Variants in NBAS observed in about 807,000 individuals in gnomAD.
The protein encoded by NBAS is NAG/BC035112 fusion.
Under a neutral mutation model 302.5 loss-of-function variants are expected in NBAS, and 219 were observed. The ratio of observed to expected loss-of-function variants is 0.72; its 90% confidence interval spans 0.65 to 0.81. The LOEUF (loss-of-function observed/expected upper bound fraction) is 0.81, where lower values mean the gene tolerates loss of function less well. NBAS is among the 30% of genes least tolerant of loss of function. NBAS has a pLI of 0.00. For missense variants in NBAS, 2,932 were observed against 2,841.6 expected (o/e 1.03, Z -0.72); for synonymous variants, 1,118 against 1,021.6 (o/e 1.09, Z -1.80).
At chr2:14,869,240 C>T in the NBAS span, among the ~76,000 whole-genome samples, 2,652 of 152,262 alleles carry the variant, frequency 0.017, 76 homozygotes, top group African/African-American at 0.06. Flanking sequence ...GGTGTTCATT[C>T]ATTCTGCAGA....
chr2:14,796,814 T>C, the NBAS span, among the ~76,000 whole-genome samples: 2 of 150,476 alleles, frequency 1.3e-5, no homozygotes, highest in Non-Finnish European at 2.9e-5. Context: ...TTTCCATGGC[T>C]ACCTACAGCC....
intron 1 of NBAS, among the ~76,000 whole-genome samples, chr2:15,559,362 G>A (rs1353926496): frequency 1.3e-5 from 2 of 152,118 alleles, no homozygotes; most frequent in Non-Finnish European, 2.9e-5. Context: ...TACAGACAAT[G>A]CTACTAACAA....
intron 9 of NBAS, among the ~76,000 whole-genome samples, chr2:15,514,755 T>G (rs1038102495): frequency 6.6e-6 from 1 of 152,138 alleles, no homozygotes; most frequent in African/African-American, 2.4e-5. Context: ...GTTGGCTGAC[T>G]ACTGAAGGAG....
At chr2:15,198,831 G>A (rs1250862617) in intron 48 of NBAS, among the ~76,000 whole-genome samples, 30 of 152,268 alleles carry the variant, frequency 2.0e-4, no homozygotes, top group Non-Finnish European at 4.4e-5. Context: ...TGCTCATTAA[G>A]AGTTAGAAAA....
At chr2:15,048,515 G>A in the NBAS span, among the ~76,000 whole-genome samples, 1 of 152,182 alleles carries the variant, frequency 6.6e-6, no homozygotes, top group African/African-American at 2.4e-5. Context: ...GAAGACACTG[G>A]GTCCTTCTTC....
intron 11 of NBAS, among the ~76,000 whole-genome samples, chr2:15,490,174 T>C (rs1572921755): frequency 6.6e-6 from 1 of 152,164 alleles, no homozygotes; most frequent in Admixed American, 6.5e-5. Flanking sequence ...CTTGATCCAA[T>C]TCACTAAATT....
At chr2:15,452,488 T>G (rs1347949020) in intron 21 of NBAS, among the ~76,000 whole-genome samples, 1 of 150,776 alleles carries the variant, frequency 6.6e-6, no homozygotes, top group Non-Finnish European at 1.5e-5. Flanking sequence ...CTCAGGAGGC[T>G]GAGGCAGGAG....
At chr2:14,980,310 G>A in the NBAS span, among the ~76,000 whole-genome samples, 2 of 152,074 alleles carry the variant, frequency 1.3e-5, no homozygotes, top group African/African-American at 4.8e-5. Context: ...TTGGTCCTTG[G>A]AAGGAACTAA....
At chr2:15,242,506 A>G (rs1344597694) in intron 44 of NBAS, among the ~76,000 whole-genome samples, 1 of 152,130 alleles carries the variant, frequency 6.6e-6, no homozygotes, top group African/African-American at 2.4e-5. Context: ...TCATTGCTGA[A>G]AGACTCCAGG....
At chr2:15,521,194 C>CA (rs1662653254) in intron 9 of NBAS, among the ~76,000 whole-genome samples, 1 of 152,174 alleles carries the variant, frequency 6.6e-6, no homozygotes, top group Non-Finnish European at 1.5e-5. Context: ...TAACTGACTG[C>CA]AATCTTAACA....
At chr2:15,435,922 C>G (rs1677988393) in intron 21 of NBAS, among the ~76,000 whole-genome samples, 1 of 152,130 alleles carries the variant, frequency 6.6e-6, no homozygotes, top group Non-Finnish European at 1.5e-5. Context: ...TCCCAGTGCT[C>G]TTATATGCAT....
intron 40 of NBAS, among the ~76,000 whole-genome samples, chr2:15,303,213 A>G (rs1182992200): frequency 6.6e-6 from 1 of 152,204 alleles, no homozygotes; most frequent in African/African-American, 2.4e-5. Context: ...ATACAATAGG[A>G]AAACAGTGAT....
the NBAS span, among the ~76,000 whole-genome samples, chr2:14,929,170 G>A: frequency 3.9e-5 from 6 of 152,220 alleles, no homozygotes; most frequent in East Asian, 1.2e-3. Context: ...TACTGAATCA[G>A]CAGAACTGAG....
At chr2:14,991,675 G>C in the NBAS span, among the ~76,000 whole-genome samples, 1 of 152,166 alleles carries the variant, frequency 6.6e-6, no homozygotes, top group Admixed American at 6.5e-5. Flanking sequence ...CCAATGTTCA[G>C]CCAAGTTATC....
the NBAS span, among the ~76,000 whole-genome samples, chr2:14,855,011 C>T: frequency 2.0e-5 from 3 of 152,032 alleles, no homozygotes; most frequent in Admixed American, 6.5e-5. Context: ...CAAAAGAGAC[C>T]CCTTCCACCT....
At chr2:15,398,247 G>C (rs151305967) in intron 26 of NBAS, among the ~76,000 whole-genome samples, 36 of 152,122 alleles carry the variant, frequency 2.4e-4, no homozygotes, top group Admixed American at 2.1e-3. Context: ...GGGCTCAAGC[G>C]ATCCTCCTGG....
At chr2:15,447,941 A>G (rs1033027529) in intron 21 of NBAS, among the ~76,000 whole-genome samples, 5 of 152,136 alleles carry the variant, frequency 3.3e-5, no homozygotes, top group African/African-American at 1.2e-4. Context: ...CCAAGATAGT[A>G]CCATGTCACT....
chr2:15,530,567 C>A (rs34191114), intron 9 of NBAS, among the ~76,000 whole-genome samples: 93,753 of 151,738 alleles, frequency 0.62, 29,820 homozygotes, highest in Non-Finnish European at 0.68. Context: ...GCATTTCAAA[C>A]TACTTTCTTC....
chr2:15,027,810 G>C, the NBAS span, among the ~76,000 whole-genome samples: 3 of 152,018 alleles, frequency 2.0e-5, no homozygotes, highest in Non-Finnish European at 4.4e-5. Context: ...TATTTACGTA[G>C]TTTTATTTGA....
Sources: allele counts gnomAD v4.1 joint callset (sites outside exome capture counted in the v4.1 genomes callset), GRCh38; gene constraint gnomAD v4.1.1; transcripts MANE v1.5; gene names NCBI Gene and HGNC (gene_info 2026-07-23, HGNC 2026-07-21).